The following ARHGAP11A variants were observed in gnomAD, a reference collection of about 807,000 sequenced individuals.
ARHGAP11A encodes the protein Rho GTPase activating protein 11A, also known as rho GTPase-activating protein 11A.
ARHGAP11A carries 36 observed loss-of-function variants against 60.5 expected under a neutral mutation model. The ratio of observed to expected loss-of-function variants is 0.59; its 90% CI spans 0.46 to 0.79. The LOEUF (loss-of-function observed/expected upper bound fraction) is 0.79, where lower values mean the gene tolerates loss of function less well. Ranked by LOEUF, ARHGAP11A falls within the 30% of genes least tolerant of loss-of-function variation. The pLI is 0.00. For missense variants in ARHGAP11A, 1,071 were observed against 1,199.2 expected (o/e 0.89, Z 1.58); for synonymous variants, 362 against 415.5 (o/e 0.87, Z 1.57).
rs549393621 is a variant in ARHGAP11A at position 32,615,908 on chromosome 15, AAG to A, written c.-302_-301del. 2.4e-3 allele frequency: 991 copies of A among 413,552 alleles called. 3 individuals carry two copies. Among genetic ancestry groups the A allele is most frequent in the Admixed American group, 4.1e-3 (103 of 25,046 alleles). 25.6% of individuals were successfully genotyped at this position (413,552 alleles called of 1,614,324 possible). A position where few individuals can be genotyped will look rare whatever the true frequency, so the allele number is the denominator to read the frequency against. ...TAGACGAGAAACCGAAAGAATCAGA[AAG>A]AAGTCTATGTGAGTAGCTGAAAGCA... On this transcript the variant is annotated 5_prime_UTR_variant, in exon 1 of 12. Coordinates refer to ENST00000361627, the MANE Select transcript of ARHGAP11A (RefSeq NM_014783.6).
At chr15:32,633,447 C>T (rs2053631564) in intron 9 of ARHGAP11A, among the ~76,000 whole-genome samples, 1 of 152,044 alleles carries the variant, frequency 6.6e-6, no homozygotes, top group Non-Finnish European at 1.5e-5. Context: ...TCAAGACCAG[C>T]CTGGGCAACA....
At chr15:32,636,092 A>C in intron 11 of ARHGAP11A, 165 bp from the exon 12 acceptor site, 1 of 1,389,320 alleles carries the variant, frequency 7.2e-7, no homozygotes, top group Non-Finnish European at 9.4e-7. Context: ...ATGCTTATAC[A>C]TGTAAATATG....
chr15:32,637,109 C>T lies in ARHGAP11A; in HGVS notation c.2336C>T (p.Pro779Leu). 3 of 1,613,946 alleles carry T rather than the reference C, an allele frequency of 1.9e-6. No homozygotes were observed. Among genetic ancestry groups the T allele is most frequent in the Non-Finnish European group, 2.5e-6 (3 of 1,180,020 alleles). The change falls in exon 12 of 12, where the codon CCT becomes CTT. Residue 779 changes from proline (P) to leucine (L), a missense_variant. Pro to Leu is a moderately conservative substitution (Grantham distance 98). Around this residue, in one of 4 missense-constraint regions of ARHGAP11A, gnomAD observed 776 missense variants for 760.2 expected, o/e 1.02. Transcript: ENST00000361627. ...CVVTNLSKPR[P>L]MRIAKQQSLE... Reference sequence around the variant, plus strand: ...GTAACAAACTTGTCAAAACCTAGGCCTATGAGAATTGCTAAACAGCAGTCA... The same window carrying T: ...GTAACAAACTTGTCAAAACCTAGGCTTATGAGAATTGCTAAACAGCAGTCA...
chr15:32,633,202 T>C, intron 9 of ARHGAP11A, 94 bp downstream of exon 9: 1 of 1,406,344 alleles, frequency 7.1e-7, no homozygotes, highest in Non-Finnish European at 9.7e-7. Flanking sequence ...GCATCATATT[T>C]GAGTCATAAT....
rs1233866426 is a variant in ARHGAP11A, at chr15:32,633,046, C to T, written c.1173C>T (p.Asn391=). The T allele has an allele frequency of 6.2e-7, 1 of 1,613,940 alleles. No individual in the cohort carries two copies. The highest frequency in any genetic ancestry group is 8.5e-7 in the Non-Finnish European group (1 of 1,179,982). The change falls in exon 9 of 12, where the codon AAC becomes AAT. Residue 391 remains asparagine, a synonymous_variant. Transcript: ENST00000361627. ...SSLSPVLIGG[N]HLITAGVPRR... is the part of the protein sequence containing the mutation. The stretch of plus-strand genomic sequence containing the variant: ...TCTCTCCTGTACTCATTGGTGGAAA[C>T]CATTTGATCACTGCAGGTGTGCCAA...
At chr15:32,628,545 G>A (rs920290616) in intron 6 of ARHGAP11A, among the ~76,000 whole-genome samples, 183 bp from the exon 7 acceptor site, 3 of 151,986 alleles carry the variant, frequency 2.0e-5, no homozygotes, top group African/African-American at 4.8e-5. Context: ...GTATAAGTGG[G>A]GAATGGAATA....
Position 32,619,263 on chromosome 15 carries a change from A to G in ARHGAP11A, c.130-845A>G, listed in dbSNP as rs146691630. ...TAAATTAACATGTGAGATTATGCAT[A>G]CCCACTTAAGTTTGAATAACCAGAC... On this transcript the variant is annotated intron_variant, in intron 1 of 11. Coordinates refer to ENST00000361627, the MANE Select transcript of ARHGAP11A (RefSeq NM_014783.6). Among the ~76,000 whole-genome samples, 920 of 152,304 alleles carry G rather than the reference A, an allele frequency of 6.0e-3. 11 individuals are homozygous for G. Among genetic ancestry groups the G allele is most frequent in the African/African-American group, 0.021 (874 of 41,554 alleles).
chr15:32,617,131 T>C (rs1183329803), intron 1 of ARHGAP11A, among the ~76,000 whole-genome samples: 1 of 152,194 alleles, frequency 6.6e-6, no homozygotes, highest in Non-Finnish European at 1.5e-5. Flanking sequence ...ATTTTAAATT[T>C]ATGTGCCTAA....
chr15:32,627,896 A>G (rs917725437), intron 6 of ARHGAP11A, among the ~76,000 whole-genome samples: 33 of 142,540 alleles, frequency 2.3e-4, no homozygotes, highest in African/African-American at 7.3e-4. Flanking sequence ...TGCAATCTCC[A>G]CCTCCTGGGT....
In ARHGAP11A at chr15:32,636,667, C is replaced by G. The variant is rs771047764; in HGVS notation, c.1894C>G (p.Pro632Ala). The G allele has an allele frequency of 3.1e-6, 5 of 1,613,760 alleles. No homozygotes were observed. In the East Asian group the frequency reaches 1.1e-4, roughly 36 times the overall value. The change falls in exon 12 of 12, where the codon CCA becomes GCA. Residue 632 changes from proline (P) to alanine (A), a missense_variant. Transcript: ENST00000361627. ...TGTGGGGAAAGTAAAATTAACTGAA[C>G]CATCTTATTTAGAAGATAGCCCAGA... ...TNVGKVKLTEPSYLEDSPEEN... is the reference protein window; with the variant it reads ...TNVGKVKLTEASYLEDSPEEN...
At chr15:32,617,557 T>C (rs28544314) in intron 1 of ARHGAP11A, among the ~76,000 whole-genome samples, 115,209 of 147,404 alleles carry the variant, frequency 0.78, 45,204 homozygotes, top group African/African-American at 0.83. Context: ...CTGCAAGCTC[T>C]GCCTCCCGGG....
intron 8 of ARHGAP11A, 195 bp from the exon 9 acceptor site, chr15:32,632,784 A>G (rs896212902): frequency 2.2e-6 from 1 of 461,782 alleles, no homozygotes; most frequent in African/African-American, 2.0e-5. Context: ...TGGCAAGTCA[A>G]AAGTAAAAAA....
At position 32,615,918 on chromosome 15, in the gene ARHGAP11A, T is replaced by C. The variant is rs977144515; in HGVS notation, c.-294T>C. ...ACCGAAAGAATCAGAAAGAAGTCTA[T>C]GTGAGTAGCTGAAAGCATTGGGTGA... On this transcript the variant is annotated 5_prime_UTR_variant, in exon 1 of 12. It removes an upstream start codon present in the reference 5' UTR. Coordinates refer to ENST00000361627, the MANE Select transcript of ARHGAP11A (RefSeq NM_014783.6). The C allele has an allele frequency of 4.4e-6, 2 of 450,144 alleles. No homozygotes were observed. The highest frequency in any genetic ancestry group is 3.6e-5 in the East Asian group (1 of 28,124). The allele number at this position is 450,144 out of a possible 1,614,324, so 27.9% of individuals were successfully genotyped here.
At chr15:32,619,444 G>A (rs1030065468) in intron 1 of ARHGAP11A, among the ~76,000 whole-genome samples, 1 of 152,194 alleles carries the variant, frequency 6.6e-6, no homozygotes, top group Non-Finnish European at 1.5e-5. Flanking sequence ...GGGATCTTCA[G>A]TGTATTAAAA....
intron 2 of ARHGAP11A, among the ~76,000 whole-genome samples, chr15:32,622,186 A>G (rs1246090057): frequency 2.6e-5 from 4 of 152,306 alleles, no homozygotes; most frequent in African/African-American, 9.6e-5. Context: ...AGGGAGGCCC[A>G]GGTGGTGGAT....
At chr15:32,631,582 G>A (rs1260418697) in intron 8 of ARHGAP11A, among the ~76,000 whole-genome samples, 1 of 152,142 alleles carries the variant, frequency 6.6e-6, no homozygotes, top group African/African-American at 2.4e-5. Context: ...TTACAGGTGT[G>A]AGCCACCATG....
chr15:32,631,129 C>T (rs1473968328), intron 8 of ARHGAP11A, among the ~76,000 whole-genome samples: 3 of 152,264 alleles, frequency 2.0e-5, no homozygotes, highest in South Asian at 4.2e-4. Context: ...ATTATTTTTA[C>T]ACCACTTTTC....
At position 32,637,917 on chromosome 15, in the gene ARHGAP11A, TGTTA is replaced by T. The variant is rs1184518355; in HGVS notation, c.*76_*79del. The T allele has an allele frequency of 3.9e-6, 5 of 1,286,816 alleles. No individual in the cohort carries two copies. The highest frequency in any genetic ancestry group is 5.3e-6 in the Non-Finnish European group (5 of 944,322). The allele number at this position is 1,286,816 out of a possible 1,614,324, so 79.7% of individuals were successfully genotyped here. A position where few individuals can be genotyped will look rare whatever the true frequency, so the allele number is the denominator to read the frequency against. ...GGTATGACTTGCAGGATGATGTACA[TGTTA>T]GTTTGTAGCTCAGGATGATTGTTAA... On this transcript the variant is annotated 3_prime_UTR_variant, in exon 12 of 12. Coordinates refer to ENST00000361627, the MANE Select transcript of ARHGAP11A (RefSeq NM_014783.6).
In ARHGAP11A at chr15:32,637,251, A is replaced by G; in HGVS notation, c.2478A>G (p.Lys826=). ...CTTTAAATGAACCAAATAGAATAAAAGTCAAGTCACCTCTTAAGTTTCAGC... is the reference window on the plus strand; with the variant it reads ...CTTTAAATGAACCAAATAGAATAAAGGTCAAGTCACCTCTTAAGTTTCAGC... The part of the protein sequence containing the change: ...KLSLNEPNRI[K]VKSPLKFQRT... The change falls in exon 12 of 12, where the codon AAA becomes AAG. Residue 826 remains lysine (K), a synonymous_variant. Transcript: ENST00000361627. The G allele has an allele frequency of 6.2e-7, 1 of 1,614,226 alleles. No individual in the cohort carries two copies. Among genetic ancestry groups the G allele is most frequent in the South Asian group, 1.1e-5 (1 of 91,080 alleles).
Sources: gnomAD v4.1 joint callset for allele counts (sites outside exome capture counted in the v4.1 genomes callset) on GRCh38, gnomAD v4.1.1 for gene constraint, gnomAD v4.1.1 regional missense constraint, MANE v1.5 for transcripts, NCBI Gene and HGNC (gene_info 2026-07-23, HGNC 2026-07-21) for gene names.